TENM3: variants seen among roughly 807,000 people sequenced by gnomAD.
The protein encoded by TENM3 is teneurin-3.
In TENM3, 63 loss-of-function variants were observed where a neutral mutation model predicts 255.1. The ratio of observed to expected loss-of-function variants is 0.25; its 90% CI spans 0.20 to 0.30. The LOEUF (loss-of-function observed/expected upper bound fraction) is 0.30, where lower values mean the gene tolerates loss of function less well. Among genes scored for constraint, TENM3 ranks in the 10% least tolerant of loss-of-function variants. The pLI, the probability that TENM3 is intolerant of heterozygous loss-of-function variation, is 1.00. For missense variants in TENM3, 2,929 were observed against 3,461.1 expected, an observed-to-expected ratio of 0.85 and a Z score of 3.86; for synonymous variants, 1,306 against 1,322.3, an observed-to-expected ratio of 0.99 and a Z score of 0.27.
chr4:181,964,276 AAAGT>A, the TENM3 span, among the ~76,000 whole-genome samples: 1 of 152,112 alleles, frequency 6.6e-6, no homozygotes, highest in African/African-American at 2.4e-5. Flanking sequence ...ATCCCCCAAC[AAAGT>A]AAGATATGGA....
chr4:181,787,095 G>GA, the TENM3 span, among the ~76,000 whole-genome samples: 1 of 152,162 alleles, frequency 6.6e-6, no homozygotes, highest in East Asian at 1.9e-4. Context: ...AAGGTTTTAA[G>GA]AAAAACCTTA....
the TENM3 span, among the ~76,000 whole-genome samples, chr4:181,522,100 C>CAAAAAAAAAAAAAAAAAAAAAA: frequency 1.8e-5 from 1 of 54,728 alleles, no homozygotes; most frequent in Non-Finnish European, 3.1e-5. Context: ...GACTCCGTCT[C>CAAAAAAAAAAAAAAAAAAAAAA]AAAAAAAAAA....
At chr4:182,556,305 G>T (rs1342931568) in intron 3 of TENM3, among the ~76,000 whole-genome samples, 1 of 152,220 alleles carries the variant, frequency 6.6e-6, no homozygotes, top group Non-Finnish European at 1.5e-5. Flanking sequence ...GCACCAGCTA[G>T]CTTCCCTTGG....
the TENM3 span, among the ~76,000 whole-genome samples, chr4:181,604,480 C>A: frequency 6.6e-6 from 1 of 151,928 alleles, no homozygotes. Flanking sequence ...AGTCTTCCCC[C>A]ACCCTCTTAC....
intron 3 of TENM3, among the ~76,000 whole-genome samples, chr4:182,486,645 AATGCAGAGCTAGAACCCCCAT>A (rs1237554351): frequency 6.6e-6 from 1 of 152,140 alleles, no homozygotes; most frequent in African/African-American, 2.4e-5. Flanking sequence ...GCCACAGAAA[AATGCAGAGCTAGAACCCCCAT>A]ATGCTGCACT....
At chr4:182,172,710 A>G (rs182999805) in intron 1 of TENM3, among the ~76,000 whole-genome samples, 287 of 152,324 alleles carry the variant, frequency 1.9e-3, no homozygotes, top group African/African-American at 6.5e-3. Flanking sequence ...AAAGTTACCA[A>G]TCGAGTCCTA....
At chr4:182,150,041 A>G (rs905832090) in intron 1 of TENM3, among the ~76,000 whole-genome samples, 3 of 152,154 alleles carry the variant, frequency 2.0e-5, no homozygotes, top group African/African-American at 7.2e-5. Flanking sequence ...GTATATTCTC[A>G]AATATTGTGG....
At chr4:181,930,578 T>C in the TENM3 span, among the ~76,000 whole-genome samples, 1 of 152,184 alleles carries the variant, frequency 6.6e-6, no homozygotes, top group Non-Finnish European at 1.5e-5. Flanking sequence ...AGCCGAATTC[T>C]ACCAGAGGTA....
the TENM3 span, among the ~76,000 whole-genome samples, chr4:182,043,395 T>C: frequency 3.3e-5 from 5 of 152,192 alleles, no homozygotes; most frequent in African/African-American, 7.2e-5. Context: ...AGATCCTCTG[T>C]AAGAATTTTT....
Position 182,611,594 on chromosome 4 carries a change from A to G in TENM3, c.749+10433A>G, listed in dbSNP as rs191989548. Among the ~76,000 whole-genome samples, 668 of 152,294 alleles carry G rather than the reference A, an allele frequency of 4.4e-3. 2 individuals carry two copies. The highest frequency in any genetic ancestry group is 0.016 in the African/African-American group (645 of 41,582). The stretch of plus-strand genomic sequence containing the variant: ...AGTAAATAAGAACAAAACCCACTAA[A>G]ATATGAGTTAGCAGACCTTTAAGCA... On this transcript the variant is annotated intron_variant, in intron 4 of 27. Coordinates refer to ENST00000511685, the MANE Select transcript of TENM3 (RefSeq NM_001080477.4).
intron 26 of TENM3, among the ~76,000 whole-genome samples, chr4:182,795,703 C>T (rs147774572): frequency 3.3e-4 from 50 of 152,328 alleles, no homozygotes; most frequent in African/African-American, 1.2e-3. Context: ...GGAAAGCCCA[C>T]AGCTCCTGAA....
chr4:181,483,191 G>A, the TENM3 span, among the ~76,000 whole-genome samples: 2 of 152,088 alleles, frequency 1.3e-5, no homozygotes. Context: ...AGTAGTTTCA[G>A]ACTAAATTGT....
the TENM3 span, among the ~76,000 whole-genome samples, chr4:181,824,289 A>G: frequency 0.38 from 57,230 of 149,166 alleles, 11,004 homozygotes; most frequent in Middle Eastern, 0.41. Flanking sequence ...TTTTTAAGAG[A>G]TGGGTTTTTC....
the TENM3 span, among the ~76,000 whole-genome samples, chr4:181,943,802 C>T: frequency 6.6e-6 from 1 of 152,156 alleles, no homozygotes; most frequent in Non-Finnish European, 1.5e-5. Flanking sequence ...ACACAGCAAT[C>T]ACCCCAATTA....
chr4:181,605,526 GAA>G, the TENM3 span, among the ~76,000 whole-genome samples: 176 of 18,950 alleles, frequency 9.3e-3, 10 homozygotes, highest in African/African-American at 0.016. Context: ...AAGAAAGAAA[GAA>G]AGAAAGAAAG....
At chr4:182,052,767 A>T in the TENM3 span, among the ~76,000 whole-genome samples, 1 of 152,064 alleles carries the variant, frequency 6.6e-6, no homozygotes, top group African/African-American at 2.4e-5. Context: ...CCAGGAGTGC[A>T]TTGGGAGTAA....
chr4:182,121,072 C>T, the TENM3 span, among the ~76,000 whole-genome samples: 1 of 152,054 alleles, frequency 6.6e-6, no homozygotes, highest in Non-Finnish European at 1.5e-5. Context: ...GATCTTGGCT[C>T]ACTGCAACCT....
intron 1 of TENM3, among the ~76,000 whole-genome samples, chr4:182,285,226 A>AAATTCAGTAT (rs112542887): frequency 0.029 from 4,377 of 152,096 alleles, 219 homozygotes; most frequent in African/African-American, 0.099. Flanking sequence ...AATTAGATGA[A>AAATTCAGTAT]AATTCAGTAT....
chr4:181,725,420 C>CTTTT, the TENM3 span, among the ~76,000 whole-genome samples: 9 of 133,776 alleles, frequency 6.7e-5, no homozygotes, highest in African/African-American at 2.2e-4. Flanking sequence ...CTTTTTCTTT[C>CTTTT]TTTTTTTTTT....
Sources: allele counts gnomAD v4.1 joint callset (sites outside exome capture counted in the v4.1 genomes callset), GRCh38; gene constraint gnomAD v4.1.1; transcripts MANE v1.5; gene names NCBI Gene and HGNC (gene_info 2026-07-23, HGNC 2026-07-21).